Variants in VAV2 observed in about 807,000 individuals in gnomAD.
VAV2 encodes guanine nucleotide exchange factor VAV2.
A neutral mutation model predicts 132.5 loss-of-function variants in VAV2; 67 were observed. The ratio of observed to expected loss-of-function variants is 0.51; its 90% confidence interval spans 0.42 to 0.62. The LOEUF is 0.62. VAV2 is among the 20% of genes least tolerant of loss of function. The pLI, the probability that VAV2 is intolerant of heterozygous loss-of-function variation, is 0.00. For synonymous variants in VAV2, 492 were observed against 443.5 expected, an observed-to-expected ratio of 1.11 and a Z score of -1.37; for missense variants, 938 against 1,153.6, an observed-to-expected ratio of 0.81 and a Z score of 2.71.
At chr9:133,880,138 G>C (rs1297775944) in intron 2 of VAV2, among the ~76,000 whole-genome samples, 1 of 149,972 alleles carries the variant, frequency 6.7e-6, no homozygotes. Context: ...CCGTCTGCAG[G>C]AAGAGGGGCT....
chr9:133,989,798 C>T (rs577477102), intron 1 of VAV2, among the ~76,000 whole-genome samples: 58 of 152,356 alleles, frequency 3.8e-4, no homozygotes, highest in African/African-American at 1.2e-3. Flanking sequence ...GGTTTCTCCA[C>T]GTTGAATGAA....
Position 133,840,045 on chromosome 9 carries a change from C to T in VAV2, c.381-5705G>A, listed in dbSNP as rs975794495. 8.5e-5 allele frequency among the ~76,000 whole-genome samples: 13 copies of T among 152,318 alleles called. No individual in the cohort carries two copies. The South Asian group carries it at 2.7e-3, about 32-fold the overall frequency. ...CTGATTTTCCTTCCCGCACTTACCC[C>T]TAGCGTCCCCTACCCACACCTTGCC... On this transcript the variant is annotated intron_variant, in intron 3 of 29. Coordinates refer to ENST00000371850, the MANE Select transcript of VAV2 (RefSeq NM_001134398.2). The surrounding 1 kb of genome is among the most constrained non-coding windows in gnomAD (Gnocchi z 4.5).
intron 1 of VAV2, among the ~76,000 whole-genome samples, chr9:133,984,019 T>C (rs1055317203): frequency 1.3e-5 from 2 of 152,226 alleles, no homozygotes; most frequent in Non-Finnish European, 2.9e-5. Context: ...CCACCCAGGC[T>C]GGAGTGCAAT....
At chr9:133,916,758 A>T (rs541481247) in intron 2 of VAV2, among the ~76,000 whole-genome samples, 4 of 152,052 alleles carry the variant, frequency 2.6e-5, no homozygotes, top group Admixed American at 6.6e-5. Context: ...GCCTCCAGCC[A>T]TGCAAAAAGC....
At chr9:133,767,094 CAACTAGAAAATAAAGTTAGAT>C (rs1372491809) in intron 29 of VAV2, among the ~76,000 whole-genome samples, 3 of 151,918 alleles carry the variant, frequency 2.0e-5, no homozygotes, top group Non-Finnish European at 4.4e-5. Context: ...GTAGATGTGA[CAACTAGAAAATAAAGTTAGAT>C]AATTTAAACC....
intron 1 of VAV2, among the ~76,000 whole-genome samples, chr9:133,964,787 A>C (rs1842092290): frequency 6.6e-6 from 1 of 152,184 alleles, no homozygotes; most frequent in South Asian, 2.1e-4. Flanking sequence ...TGGGATAAAA[A>C]CCCTCAAAAA....
rs1354117260 is a variant in VAV2, at chr9:133,936,890, T to G, written c.321+2213A>C. 1.3e-4 allele frequency among the ~76,000 whole-genome samples: 20 copies of G among 152,262 alleles called. No individual in the cohort carries two copies. In the East Asian group the frequency reaches 3.9e-3, roughly 29 times the overall value. ...GAGGCCAGCATGACAAGAAGCCCCT[T>G]CTGCAGCCCCTCAGAGCCGCAGCCG... is the stretch of plus-strand genomic sequence containing the variant. On this transcript the variant is annotated intron_variant, in intron 2 of 29. Transcript: ENST00000371850.
chr9:133,770,596 G>T, intron 26 of VAV2, 95 bp from the exon 27 acceptor site: 18 of 1,549,342 alleles, frequency 1.2e-5, no homozygotes, highest in Admixed American at 1.8e-5. Context: ...TGGTTCATGT[G>T]GGGGAGACTA....
chr9:133,896,806 TCC>T (rs1839222668), intron 2 of VAV2, among the ~76,000 whole-genome samples: 1 of 151,550 alleles, frequency 6.6e-6, no homozygotes, highest in Non-Finnish European at 1.5e-5. Context: ...CAAAAAAAAA[TCC>T]AACCAGGCGG....
At chr9:133,931,160 C>T (rs955022857) in intron 2 of VAV2, among the ~76,000 whole-genome samples, 9 of 152,196 alleles carry the variant, frequency 5.9e-5, no homozygotes, top group African/African-American at 2.2e-4. Flanking sequence ...ACTCGGAAAC[C>T]TGTCCCCGCA....
chr9:133,866,443 C>A (rs762708444), intron 2 of VAV2, among the ~76,000 whole-genome samples: 1 of 152,174 alleles, frequency 6.6e-6, no homozygotes. Flanking sequence ...TGCAGCCCAT[C>A]GGTGGGAGTG....
chr9:133,848,044 G>A (rs1025371371), intron 3 of VAV2, among the ~76,000 whole-genome samples: 2 of 152,154 alleles, frequency 1.3e-5, no homozygotes, highest in Non-Finnish European at 2.9e-5. Flanking sequence ...TTGGGAGGCC[G>A]AGACGGGCGG....
chr9:133,868,280 G>T (rs3780738), intron 2 of VAV2, among the ~76,000 whole-genome samples: 24 of 152,160 alleles, frequency 1.6e-4, no homozygotes, highest in African/African-American at 5.5e-4. Context: ...AGCAGGCACC[G>T]CATCCCCATG....
chr9:133,871,712 C>A (rs1324112892), intron 2 of VAV2, among the ~76,000 whole-genome samples: 1 of 152,148 alleles, frequency 6.6e-6, no homozygotes, highest in Non-Finnish European at 1.5e-5. Context: ...ACCATGGAGG[C>A]ACCACTGACC....
chr9:133,951,307 G>A (rs1588160182), intron 1 of VAV2, among the ~76,000 whole-genome samples: 1 of 152,338 alleles, frequency 6.6e-6, no homozygotes, highest in East Asian at 1.9e-4. Context: ...TACGGGGGCT[G>A]GAGAACAAGA....
chr9:133,842,781 G>C (rs1239701144), intron 3 of VAV2, among the ~76,000 whole-genome samples: 1 of 152,236 alleles, frequency 6.6e-6, no homozygotes, highest in East Asian at 1.9e-4. Context: ...AGCGCGGGCA[G>C]AGGGGTGGAG....
intron 3 of VAV2, among the ~76,000 whole-genome samples, chr9:133,839,444 C>G (rs991576051): frequency 2.0e-5 from 3 of 150,418 alleles, no homozygotes; most frequent in Admixed American, 6.6e-5. Flanking sequence ...AAATTAGATA[C>G]GAGGAAGTTT....
chr9:133,834,242 T>C lies in VAV2; in HGVS notation c.449+30A>G. On this transcript the variant is annotated intron_variant, in intron 4 of 29. Coordinates refer to ENST00000371850, the MANE Select transcript of VAV2 (RefSeq NM_001134398.2). The surrounding 1 kb of genome is among the most constrained non-coding windows in gnomAD (Gnocchi z 5.9). ...GGAACCTCCCTGCCCCTCCCTCCTC[T>C]CCATCCCTCCTCCCATCCCCCCGCC... 6.3e-7 allele frequency: 1 copy of C among 1,582,252 alleles called. No homozygotes were observed. Among genetic ancestry groups the C allele is most frequent in the East Asian group, 2.3e-5 (1 of 43,886 alleles).
intron 17 of VAV2, 35 bp from the exon 18 acceptor site, chr9:133,784,453 A>G (rs1038168654): frequency 7.5e-6 from 12 of 1,610,020 alleles, no homozygotes; most frequent in Non-Finnish European, 9.3e-6. Flanking sequence ...TGCTACACCC[A>G]CTGGATTCCC....
Sources: gnomAD v4.1 joint callset for allele counts (sites outside exome capture counted in the v4.1 genomes callset) on GRCh38, gnomAD v4.1.1 for gene constraint, Gnocchi (gnomAD v3.1) non-coding constraint, MANE v1.5 for transcripts, NCBI Gene and HGNC (gene_info 2026-07-23, HGNC 2026-07-21) for gene names.